CEP83: variants seen among roughly 807,000 people sequenced by gnomAD.
The protein encoded by CEP83 is centrosomal protein of 83 kDa.
Under a neutral mutation model 101.9 loss-of-function variants are expected in CEP83, and 70 were observed. The ratio of observed to expected loss-of-function variants is 0.69; its 90% confidence interval spans 0.57 to 0.84. The LOEUF (loss-of-function observed/expected upper bound fraction) is 0.84. CEP83 is among the 40% of genes least tolerant of loss of function. CEP83 has a pLI of 0.00. For missense variants in CEP83, 715 were observed against 787.2 expected, an observed-to-expected ratio of 0.91 and a Z score of 1.10; for synonymous variants, 264 against 267.9, an observed-to-expected ratio of 0.99 and a Z score of 0.14.
chr12:94,344,294 T>C (rs2136665098), intron 11 of CEP83, among the ~76,000 whole-genome samples: 1 of 152,344 alleles, frequency 6.6e-6, no homozygotes, highest in South Asian at 2.1e-4. Context: ...ATTTATGGGA[T>C]ACACGTAAAG....
intron 1 of CEP83, among the ~76,000 whole-genome samples, chr12:94,454,119 T>C (rs1594174824): frequency 6.7e-6 from 1 of 149,452 alleles, no homozygotes; most frequent in Non-Finnish European, 1.5e-5. Context: ...AAAATTAGAG[T>C]ACCTATTAAA....
intron 2 of CEP83, among the ~76,000 whole-genome samples, chr12:94,414,254 A>C (rs1170478084): frequency 5.9e-5 from 9 of 152,220 alleles, no homozygotes; most frequent in Admixed American, 5.9e-4. Context: ...AATGAATTGC[A>C]TCATAAAACT....
chr12:94,379,650 G>T (rs1017905506), intron 6 of CEP83, among the ~76,000 whole-genome samples: 8 of 152,024 alleles, frequency 5.3e-5, no homozygotes, highest in African/African-American at 1.9e-4. Flanking sequence ...AGTCACTGGG[G>T]AACTTGCAGA....
chr12:94,325,219 TG>T (rs1430889505), intron 14 of CEP83, among the ~76,000 whole-genome samples: 2 of 151,614 alleles, frequency 1.3e-5, no homozygotes, highest in Non-Finnish European at 2.9e-5. Context: ...CTGCCCAGGC[TG>T]GAATGTGCTG....
the CEP83 span, chr12:94,294,562 A>G: frequency 9.3e-7 from 1 of 1,071,750 alleles, no homozygotes; most frequent in Non-Finnish European, 1.4e-6. Context: ...AATATTGTTA[A>G]CCTTTTGTTC....
intron 8 of CEP83, among the ~76,000 whole-genome samples, chr12:94,371,946 G>A (rs371901452): frequency 2.6e-5 from 4 of 152,200 alleles, no homozygotes; most frequent in Admixed American, 6.5e-5. Flanking sequence ...ATAAAATGGT[G>A]ACCCTGTGCT....
At chr12:94,406,845 T>G (rs536108084) in intron 4 of CEP83, among the ~76,000 whole-genome samples, 12 of 151,042 alleles carry the variant, frequency 7.9e-5, no homozygotes, top group Non-Finnish European at 1.6e-4. Context: ...TAGAATGGTA[T>G]GAACACAGGA....
chr12:94,418,184 A>G (rs1338825466), intron 2 of CEP83, among the ~76,000 whole-genome samples: 1 of 152,156 alleles, frequency 6.6e-6, no homozygotes, highest in African/African-American at 2.4e-5. Flanking sequence ...CAACATGGTG[A>G]AACCCTGTCT....
intron 14 of CEP83, among the ~76,000 whole-genome samples, chr12:94,321,102 T>C (rs1293688160): frequency 2.0e-5 from 3 of 152,218 alleles, no homozygotes; most frequent in African/African-American, 7.2e-5. Context: ...TTTGTCTGAC[T>C]GTCTTACTCC....
At chr12:94,332,416 C>T (rs890500616) in intron 13 of CEP83, among the ~76,000 whole-genome samples, 4 of 151,710 alleles carry the variant, frequency 2.6e-5, no homozygotes, top group Admixed American at 2.0e-4. Flanking sequence ...AATAACAAAC[C>T]CTGAGAAGTT....
rs367688245 is a variant in CEP83, at chr12:94,379,311, A to G, written c.550-269T>C. On this transcript the variant is annotated intron_variant, in intron 6 of 16. Coordinates refer to ENST00000397809, the MANE Select transcript of CEP83 (RefSeq NM_016122.3). Reference sequence around the variant, plus strand: ...CAGTTGCTGACTAAAATTTAAAATTATAATACTGTAAGTACTAAACATACA... The same window carrying G: ...CAGTTGCTGACTAAAATTTAAAATTGTAATACTGTAAGTACTAAACATACA... 6.4e-4 allele frequency among the ~76,000 whole-genome samples: 98 copies of G among 152,320 alleles called. 1 individual carries two copies. The East Asian group carries it at 0.011, about 17-fold the overall frequency.
At chr12:94,329,527 A>G (rs1349856205) in intron 14 of CEP83, among the ~76,000 whole-genome samples, 1 of 152,208 alleles carries the variant, frequency 6.6e-6, no homozygotes, top group African/African-American at 2.4e-5. Flanking sequence ...TGATTAGCTG[A>G]TAATCTCACC....
In CEP83 at chr12:94,378,991, C is replaced by T; in HGVS notation, c.601G>A (p.Val201Ile). The T allele has an allele frequency of 1.2e-6, 2 of 1,613,486 alleles. No homozygotes were observed. Among genetic ancestry groups the T allele is most frequent in the Non-Finnish European group, 1.7e-6 (2 of 1,179,504 alleles). ...CGTTTGCTGTCTTTTGTGAGATCAA[C>T]ATTAAGCAGCTGGTTACGTAGTTCT... The part of the protein sequence containing the change: ...KEELRNQLLN[V>I]DLTKDSKRVE... Residue 201 changes from valine to isoleucine, a missense_variant, in exon 7 of 17, where the codon GTT becomes ATT. Val to Ile is a conservative substitution (Grantham distance 29). Coordinates refer to ENST00000397809, the MANE Select transcript of CEP83 (RefSeq NM_016122.3).
At chr12:94,313,299 A>T (rs1970150796) in intron 14 of CEP83, 1 of 220,256 alleles carries the variant, frequency 4.5e-6, no homozygotes, top group Admixed American at 6.0e-5. Context: ...GGAAGGAGTC[A>T]AATTTTACTA....
At chr12:94,412,699 T>A (rs1478328042) in intron 2 of CEP83, 108 bp from the exon 3 acceptor site, 1 of 357,704 alleles carries the variant, frequency 2.8e-6, no homozygotes, top group African/African-American at 2.2e-5. Context: ...TTTTCTTTTT[T>A]TTTTTTTTTT....
At chr12:94,413,677 C>G (rs1593848154) in intron 2 of CEP83, among the ~76,000 whole-genome samples, 1 of 152,088 alleles carries the variant, frequency 6.6e-6, no homozygotes, top group East Asian at 1.9e-4. Flanking sequence ...CACCTATCTC[C>G]AAAAGCACTG....
At chr12:94,364,334 C>T (rs780440311) in intron 11 of CEP83, among the ~76,000 whole-genome samples, 28 of 151,988 alleles carry the variant, frequency 1.8e-4, no homozygotes, top group Non-Finnish European at 3.5e-4. Flanking sequence ...TGCAAACAAA[C>T]TTTTTAATGG....
rs200746935 is a variant in CEP83 at position 94,335,577 on chromosome 12, C to T, written c.1419+12G>A. The T allele has an allele frequency of 2.0e-6, 3 of 1,511,990 alleles. No homozygotes were observed. Among genetic ancestry groups the T allele is most frequent in the Admixed American group, 4.0e-5 (2 of 50,578 alleles). 93.7% of individuals were successfully genotyped at this position (1,511,990 alleles called of 1,614,324 possible). ...TGAAAAAATAAAAGGAAAATCTTCG[C>T]TAAAATCATACCTGTTTTAGGTCAG... On this transcript the variant is annotated intron_variant, in intron 12 of 16. Transcript: ENST00000397809.
At chr12:94,441,807 C>G (rs1047962594) in intron 1 of CEP83, among the ~76,000 whole-genome samples, 1 of 147,436 alleles carries the variant, frequency 6.8e-6, no homozygotes, top group Admixed American at 6.9e-5. Flanking sequence ...CCCAGCTACT[C>G]GGGAGGCTGA....
Sources: allele counts gnomAD v4.1 joint callset (sites outside exome capture counted in the v4.1 genomes callset), GRCh38; gene constraint gnomAD v4.1.1; transcripts MANE v1.5; gene names NCBI Gene and HGNC (gene_info 2026-07-23, HGNC 2026-07-21).